Variants in ZZEF1 observed in about 807,000 individuals in gnomAD.
The protein encoded by ZZEF1 is zinc finger ZZ-type and EF-hand domain containing 1, also known as zinc finger ZZ-type and EF-hand domain-containing protein 1.
Under a neutral mutation model 342.8 loss-of-function variants are expected in ZZEF1, and 157 were observed. The ratio of observed to expected loss-of-function variants is 0.46; its 90% CI spans 0.40 to 0.52. The LOEUF (loss-of-function observed/expected upper bound fraction) is 0.52. ZZEF1 is among the 20% of genes least tolerant of loss of function. The pLI, the probability that ZZEF1 is intolerant of heterozygous loss-of-function variation, is 0.00. For synonymous variants in ZZEF1, 1,505 were observed against 1,429.1 expected (o/e 1.05, Z -1.20); for missense variants, 3,480 against 3,725.6 (o/e 0.93, Z 1.72).
intron 1 of ZZEF1, among the ~76,000 whole-genome samples, chr17:4,126,418 G>A (rs2058574407): frequency 6.6e-6 from 1 of 152,034 alleles, no homozygotes; most frequent in Admixed American, 6.5e-5. Flanking sequence ...CAAGAGATCT[G>A]GGGTGTGTGT....
At chr17:4,107,609 A>C (rs2145464269) in intron 6 of ZZEF1, among the ~76,000 whole-genome samples, 1 of 152,368 alleles carries the variant, frequency 6.6e-6, no homozygotes, top group South Asian at 2.1e-4. Flanking sequence ...AAGATGCTGG[A>C]GCAGGAATGG....
intron 17 of ZZEF1, 40 bp downstream of exon 17, chr17:4,082,397 A>ATT (rs773028103): frequency 1.2e-6 from 2 of 1,603,844 alleles, no homozygotes; most frequent in Non-Finnish European, 1.7e-6. Context: ...CTTTGCAAAG[A>ATT]TTTGAGTTAT....
At chr17:4,032,718 A>C in intron 41 of ZZEF1, 110 bp downstream of exon 41, 1 of 1,167,406 alleles carries the variant, frequency 8.6e-7, no homozygotes, top group South Asian at 1.6e-5. Context: ...GCAAAGGAAA[A>C]AGCTTCCAAA....
chr17:4,094,356 G>C, intron 11 of ZZEF1, among the ~76,000 whole-genome samples: 1 of 151,684 alleles, frequency 6.6e-6, no homozygotes, highest in Non-Finnish European at 1.5e-5. Context: ...TCACTATGTT[G>C]CTCAGGCTGG....
chr17:4,009,792 G>A (rs1346025812), intron 52 of ZZEF1, 35 bp from the exon 53 acceptor site: 2 of 1,605,692 alleles, frequency 1.2e-6, no homozygotes, highest in East Asian at 2.2e-5. Context: ...TCAGTTTACT[G>A]AGAGCCATGC....
Position 4,074,172 on chromosome 17 carries a change from G to A in ZZEF1, c.3663C>T (p.Cys1221=), listed in dbSNP as rs759782551. The part of the protein sequence containing the change: ...SRLMGRLASQ[C]MALKSVRQLG... ...TACGGCGCACAGACTTGAGCGCCAT[G>A]CACTGGGAAGCCAGGCGTCCCATCA... Residue 1221 remains cysteine (C), a synonymous_variant, in exon 24 of 55, where the codon TGC becomes TGT. Transcript: ENST00000381638. The A allele has an allele frequency of 2.5e-6, 4 of 1,613,830 alleles. No individual in the cohort carries two copies. Among genetic ancestry groups the A allele is most frequent in the Non-Finnish European group, 3.4e-6 (4 of 1,179,912 alleles).
intron 2 of ZZEF1, among the ~76,000 whole-genome samples, chr17:4,123,268 CATATAT>C (rs60101709): frequency 0.035 from 3,020 of 85,092 alleles, 52 homozygotes; most frequent in African/African-American, 0.047. Context: ...TTATCATAAC[CATATAT>C]ATATATATAT....
In ZZEF1 at chr17:4,014,417, G is replaced by A; in HGVS notation, c.8244C>T (p.Ser2748=). The A allele has an allele frequency of 2.5e-6, 4 of 1,614,226 alleles. No individual in the cohort carries two copies. Among genetic ancestry groups the A allele is most frequent in the Non-Finnish European group, 3.4e-6 (4 of 1,180,038 alleles). Residue 2748 remains serine, a synonymous_variant, in exon 50 of 55, where the codon AGC becomes AGT. Coordinates refer to ENST00000381638, the MANE Select transcript of ZZEF1 (RefSeq NM_015113.4). This position sits in a 1 kb window ranked among gnomAD's most constrained non-coding sequence, Gnocchi z 4.4. ...EGCDELAMSS[S]SDFQQDRHSF... ...TGTGTCGGTCTTGCTGGAAGTCACT[G>A]CTGCTGGACATGGCTAACTCGTCAC...
In ZZEF1 at chr17:4,123,971, T is replaced by C; in HGVS notation, c.435A>G (p.Gly145=). The C allele has an allele frequency of 1.2e-6, 2 of 1,613,910 alleles. No individual in the cohort carries two copies. The highest frequency in any genetic ancestry group is 1.7e-6 in the Non-Finnish European group (2 of 1,179,978). Residue 145 remains glycine (G), a synonymous_variant, in exon 2 of 55, where the codon GGA becomes GGG. Transcript: ENST00000381638. ...GGCTCAGCTCCCCCTGAAGATTAGC[T>C]CCACTGGAATTCTTGAGGGCCTCCA... The part of the protein sequence containing the change: ...NMLEALKNSS[G]ANLQGELSHI...
chr17:4,103,801 TCCCA>T (rs2058165770), intron 8 of ZZEF1, among the ~76,000 whole-genome samples: 1 of 152,116 alleles, frequency 6.6e-6, no homozygotes, highest in African/African-American at 2.4e-5. Context: ...GCACCTGTGG[TCCCA>T]GGTACTCGGG....
At chr17:4,060,422 G>A (rs1370978686) in intron 30 of ZZEF1, among the ~76,000 whole-genome samples, 5 of 152,052 alleles carry the variant, frequency 3.3e-5, no homozygotes, top group Non-Finnish European at 5.9e-5. Flanking sequence ...AAAATTAGCC[G>A]AGTGTGGTGG....
Position 4,027,594 on chromosome 17 carries a change from C to CTTTTTTTT in ZZEF1, c.6893-2484_6893-2477dup, listed in dbSNP as rs35210596. The stretch of plus-strand genomic sequence containing the variant: ...ACAGGCATGAGCCACTGTGCCCTGC[C>CTTTTTTTT]TTTTTTTTTTTTTTTTTTTTAAAGA... On this transcript the variant is annotated intron_variant, in intron 42 of 54. Coordinates refer to ENST00000381638, the MANE Select transcript of ZZEF1 (RefSeq NM_015113.4). Among the ~76,000 whole-genome samples the CTTTTTTTT allele has an allele frequency of 1.7e-5, 2 of 119,732 alleles. 1 individual carries two copies. The highest frequency in any genetic ancestry group is 6.8e-5 in the African/African-American group (2 of 29,366). The allele number at this position is 119,732 out of a possible 152,430, so 78.5% of individuals were successfully genotyped here.
At chr17:4,042,177 G>T (rs1837082852) in intron 39 of ZZEF1, among the ~76,000 whole-genome samples, 1 of 151,926 alleles carries the variant, frequency 6.6e-6, no homozygotes, top group South Asian at 2.1e-4. Context: ...TTTTCTATGA[G>T]CTTAAAACTT....
intron 54 of ZZEF1, among the ~76,000 whole-genome samples, chr17:4,007,781 C>T (rs2055840938): frequency 6.6e-6 from 1 of 152,114 alleles, no homozygotes; most frequent in Non-Finnish European, 1.5e-5. Context: ...TCCGAGCGTA[C>T]ACGTCAAAGC....
At chr17:4,077,022 T>A in intron 19 of ZZEF1, 33 bp from the exon 20 acceptor site, 1 of 1,560,092 alleles carries the variant, frequency 6.4e-7, no homozygotes, top group South Asian at 1.2e-5. Context: ...TAATATATTA[T>A]ATAGTAGAAA....
intron 1 of ZZEF1, among the ~76,000 whole-genome samples, chr17:4,129,200 C>T (rs985785150): frequency 6.6e-5 from 10 of 152,116 alleles, no homozygotes; most frequent in African/African-American, 2.4e-4. Context: ...TTATAATAAA[C>T]AGATATTGCA....
Position 4,095,829 on chromosome 17 carries a change from A to G in ZZEF1, c.1913+2T>C. On this transcript the variant is annotated splice_donor_variant, in intron 11 of 54. Transcript: ENST00000381638. LOFTEE classifies it high-confidence loss of function. ...TTCTACAAAGATTTTTTACCTTCTT[A>G]CCTGCTTTTTACAAATTGCCTGAGC... 6.2e-7 allele frequency: 1 copy of G among 1,604,072 alleles called. No individual in the cohort carries two copies. The highest frequency in any genetic ancestry group is 8.5e-7 in the Non-Finnish European group (1 of 1,175,148).
intron 4 of ZZEF1, among the ~76,000 whole-genome samples, chr17:4,113,679 A>C (rs761630881): frequency 2.0e-5 from 3 of 149,416 alleles, no homozygotes; most frequent in Non-Finnish European, 4.5e-5. Flanking sequence ...AAAAAAAAAG[A>C]AGTATAGAAA....
chr17:4,104,787 T>C lies in ZZEF1; in HGVS notation c.1419A>G (p.Glu473=). The C allele has an allele frequency of 1.9e-6, 3 of 1,614,050 alleles. No individual in the cohort carries two copies. The highest frequency in any genetic ancestry group is 2.5e-6 in the Non-Finnish European group (3 of 1,179,972). Residue 473 remains glutamate (E), a synonymous_variant, in exon 8 of 55, where the codon GAA becomes GAG. Transcript: ENST00000381638. The stretch of plus-strand genomic sequence containing the variant: ...CGAGAGCAAAAGCCAGAAGAGTCAG[T>C]TCTACCTCTGGGGTAGAACAGCAGC... The part of the protein sequence containing the change: ...ITSCCSTPEV[E]LTLLAFALAR...
Sources: allele counts gnomAD v4.1 joint callset (sites outside exome capture counted in the v4.1 genomes callset), GRCh38; gene constraint gnomAD v4.1.1; non-coding constraint Gnocchi (gnomAD v3.1); transcripts MANE v1.5; gene names NCBI Gene and HGNC (gene_info 2026-07-23, HGNC 2026-07-21).